Variants in TMEM41B observed in about 807,000 individuals in gnomAD.
TMEM41B encodes the protein transmembrane protein 41B.
A neutral mutation model predicts 31.9 loss-of-function variants in TMEM41B; 18 were observed. The observed-to-expected ratio is 0.56, with a 90% CI of 0.39 to 0.84. The LOEUF (loss-of-function observed/expected upper bound fraction) is 0.84, where lower values mean the gene tolerates loss of function less well. Ranked by LOEUF, TMEM41B falls within the 40% of genes least tolerant of loss-of-function variation. The probability of loss-of-function intolerance (pLI) is 0.00; values close to 1 mark genes in which losing one functional copy is unlikely to be tolerated. For missense variants in TMEM41B, 322 were observed against 348.0 expected, an observed-to-expected ratio of 0.93 and a Z score of 0.59; for synonymous variants, 144 against 124.3, an observed-to-expected ratio of 1.16 and a Z score of -1.05.
intron 1 of TMEM41B, among the ~76,000 whole-genome samples, chr11:9,301,676 C>G (rs1448631900): frequency 2.0e-5 from 3 of 152,152 alleles, no homozygotes; most frequent in Non-Finnish European, 4.4e-5. Context: ...CTGTCTGGCC[C>G]AGGGTTGGAC....
intron 6 of TMEM41B, 78 bp downstream of exon 6, chr11:9,286,377 G>A: frequency 1.4e-6 from 2 of 1,412,090 alleles, no homozygotes; most frequent in Non-Finnish European, 1.9e-6. Context: ...CAGAGAGCAT[G>A]CATGTAATCT....
intron 4 of TMEM41B, 131 bp from the exon 5 acceptor site, chr11:9,287,937 T>C: frequency 1.4e-6 from 1 of 696,742 alleles, no homozygotes. Context: ...ATGACATCTC[T>C]TGTGCAGAGA....
intron 1 of TMEM41B, among the ~76,000 whole-genome samples, chr11:9,308,445 C>T (rs151219463): frequency 3.3e-5 from 5 of 152,298 alleles, no homozygotes; most frequent in East Asian, 1.9e-4. Flanking sequence ...CTTACTTCTT[C>T]CATTTTCTCC....
intron 5 of TMEM41B, among the ~76,000 whole-genome samples, chr11:9,287,466 A>C (rs1406485570): frequency 6.6e-6 from 1 of 152,216 alleles, no homozygotes; most frequent in African/African-American, 2.4e-5. Flanking sequence ...AAATTTACTA[A>C]GATAAAGAAT....
At chr11:9,311,271 G>T in intron 1 of TMEM41B, 1 of 1,506,928 alleles carries the variant, frequency 6.6e-7, no homozygotes, top group Non-Finnish European at 9.0e-7. Flanking sequence ...AGGACCCAGG[G>T]CCTGTATTCA....
chr11:9,304,346 C>G (rs1232670691), intron 1 of TMEM41B, among the ~76,000 whole-genome samples: 1 of 152,132 alleles, frequency 6.6e-6, no homozygotes, highest in African/African-American at 2.4e-5. Context: ...AAGTTATATT[C>G]ACTCAGAAGT....
At chr11:9,302,141 G>C (rs1853279086) in intron 1 of TMEM41B, among the ~76,000 whole-genome samples, 1 of 93,128 alleles carries the variant, frequency 1.1e-5, no homozygotes, top group South Asian at 3.4e-4. Context: ...CGAGTAGCTA[G>C]AACTACAGAC....
At chr11:9,294,636 T>G (rs1011036412) in intron 3 of TMEM41B, among the ~76,000 whole-genome samples, 16 of 152,062 alleles carry the variant, frequency 1.1e-4, no homozygotes, top group African/African-American at 3.6e-4. Flanking sequence ...AAAATTAAAC[T>G]CCACAATATG....
At chr11:9,291,336 C>T (rs993269968) in intron 3 of TMEM41B, among the ~76,000 whole-genome samples, 2 of 151,862 alleles carry the variant, frequency 1.3e-5, no homozygotes, top group African/African-American at 4.8e-5. Flanking sequence ...GGGCCGAGAT[C>T]GCGTCGCTAC....
intron 1 of TMEM41B, among the ~76,000 whole-genome samples, chr11:9,305,705 T>G (rs1853373910): frequency 6.6e-6 from 1 of 152,186 alleles, no homozygotes; most frequent in Non-Finnish European, 1.5e-5. Context: ...TAAATCCAAT[T>G]AACTTGCCCC....
rs1853060572 is a variant in TMEM41B, at chr11:9,295,373, T to C, written c.254A>G (p.Asn85Ser). The C allele has an allele frequency of 1.3e-6, 2 of 1,581,510 alleles. No homozygotes were observed. The highest frequency in any genetic ancestry group is 1.7e-6 in the Non-Finnish European group (2 of 1,166,418). Residue 85 changes from asparagine to serine, a missense_variant, in exon 3 of 7, where the codon AAT becomes AGT. Coordinates refer to ENST00000528080, the MANE Select transcript of TMEM41B (RefSeq NM_015012.4). ...ATCCATATCTCTGGGAACCTTCATA[T>C]TCACTCTTTCTTCTCTGAAGAAATA... ...FPQLSEEERV[N>S]MKVPRDMDDA...
rs1268319979 is a variant in TMEM41B, at chr11:9,280,702, TTAC to T, written c.*2719_*2721del. The T allele has an allele frequency of 6.6e-6, 1 of 152,236 alleles. No homozygotes were observed. The highest frequency in any genetic ancestry group is 1.5e-5 in the Non-Finnish European group (1 of 68,040). The allele number at this position is 152,236 out of a possible 1,614,324, so 9.4% of individuals were successfully genotyped here. A position where few individuals can be genotyped will look rare whatever the true frequency, so the allele number is the denominator to read the frequency against. ...ATTATTATTACATTTTAGCTTGCAT[TTAC>T]TAAGTGTCATGGAAATATTATACTC... On this transcript the variant is annotated 3_prime_UTR_variant, in exon 7 of 7. Coordinates refer to ENST00000528080, the MANE Select transcript of TMEM41B (RefSeq NM_015012.4).
chr11:9,286,164 AT>A (rs1852832483), intron 6 of TMEM41B, among the ~76,000 whole-genome samples: 1 of 145,930 alleles, frequency 6.9e-6, no homozygotes, highest in Admixed American at 7.1e-5. Context: ...AGGCAATTTG[AT>A]TTTTTTTCCT....
At chr11:9,295,483 T>C (rs1427136416) in intron 2 of TMEM41B, 96 bp from the exon 3 acceptor site, 15 of 700,748 alleles carry the variant, frequency 2.1e-5, no homozygotes, top group Non-Finnish European at 3.7e-5. Context: ...AATGATTTCA[T>C]GCCTTGATCT....
intron 3 of TMEM41B, among the ~76,000 whole-genome samples, chr11:9,291,412 T>A (rs1294240875): frequency 1.4e-4 from 2 of 14,494 alleles, no homozygotes; most frequent in East Asian, 1.4e-3. Context: ...TAAAAATAAA[T>A]TTTTTTTTGA....
intron 6 of TMEM41B, among the ~76,000 whole-genome samples, chr11:9,285,454 A>G (rs968526027): frequency 2.6e-4 from 40 of 152,272 alleles, no homozygotes; most frequent in African/African-American, 8.9e-4. Flanking sequence ...TCTCACAAGT[A>G]TTAACTTAAG....
intron 3 of TMEM41B, among the ~76,000 whole-genome samples, chr11:9,292,765 C>T (rs1287536713): frequency 6.6e-6 from 1 of 152,076 alleles, no homozygotes; most frequent in Non-Finnish European, 1.5e-5. Flanking sequence ...TCCCAAAGTG[C>T]TGGGATTATA....
At chr11:9,304,406 G>C (rs1024519016) in intron 1 of TMEM41B, among the ~76,000 whole-genome samples, 1 of 152,062 alleles carries the variant, frequency 6.6e-6, no homozygotes, top group African/African-American at 2.4e-5. Flanking sequence ...AAAAACATCA[G>C]GGTGTACTAA....
intron 2 of TMEM41B, among the ~76,000 whole-genome samples, chr11:9,297,725 G>A (rs537374922): frequency 2.0e-5 from 3 of 151,932 alleles, no homozygotes; most frequent in African/African-American, 7.2e-5. Context: ...TTATACAGAT[G>A]GGGTCTCGCT....
Sources: allele counts gnomAD v4.1 joint callset (sites outside exome capture counted in the v4.1 genomes callset), GRCh38; gene constraint gnomAD v4.1.1; transcripts MANE v1.5; gene names NCBI Gene and HGNC (gene_info 2026-07-23, HGNC 2026-07-21).